The following CADPS variants were observed in gnomAD, a reference collection of about 807,000 sequenced individuals.
CADPS encodes the protein calcium-dependent secretion activator 1.
Under a neutral mutation model 167.3 loss-of-function variants are expected in CADPS, and 57 were observed. The ratio of observed to expected loss-of-function variants is 0.34; its 90% confidence interval spans 0.28 to 0.42. CADPS has a LOEUF of 0.42. CADPS is among the 20% of genes least tolerant of loss of function. The pLI is 1.00. For missense variants in CADPS, 1,414 were observed against 1,738.1 expected (o/e 0.81, Z 3.32); for synonymous variants, 676 against 635.3 (o/e 1.06, Z -0.96).
At chr3:62,599,876 ATAAT>A (rs1190788878) in intron 6 of CADPS, among the ~76,000 whole-genome samples, 15 of 71,508 alleles carry the variant, frequency 2.1e-4, no homozygotes, top group African/African-American at 1.0e-3. Context: ...ATAATAATAT[ATAAT>A]ATATATATAT....
chr3:62,599,744 TA>T (rs2059532485), intron 6 of CADPS, among the ~76,000 whole-genome samples: 2 of 28,408 alleles, frequency 7.0e-5, no homozygotes, highest in African/African-American at 2.0e-4. Flanking sequence ...ATAATATATA[TA>T]ATCTATTATA....
chr3:62,572,381 T>A (rs2081450294), intron 8 of CADPS, among the ~76,000 whole-genome samples: 1 of 152,130 alleles, frequency 6.6e-6, no homozygotes, highest in Non-Finnish European at 1.5e-5. Context: ...CATTTTTTGC[T>A]TCCATGGACA....
At chr3:62,542,813 T>C (rs1171133680) in intron 11 of CADPS, among the ~76,000 whole-genome samples, 3 of 152,174 alleles carry the variant, frequency 2.0e-5, no homozygotes, top group Admixed American at 6.5e-5. Context: ...TGTCAGACAA[T>C]TGCTTTGAGT....
chr3:62,425,992 G>C (rs1435926866), intron 28 of CADPS, among the ~76,000 whole-genome samples: 1 of 152,156 alleles, frequency 6.6e-6, no homozygotes, highest in Non-Finnish European at 1.5e-5. Flanking sequence ...TTCCTTTAGC[G>C]ATACTGTGGC....
intron 1 of CADPS, among the ~76,000 whole-genome samples, chr3:62,798,104 G>T (rs962818): frequency 6.6e-6 from 1 of 152,028 alleles, no homozygotes; most frequent in African/African-American, 2.4e-5. Flanking sequence ...TCCAGACTGA[G>T]ATAAACGCAA....
intron 3 of CADPS, among the ~76,000 whole-genome samples, chr3:62,741,105 C>G (rs2080138106): frequency 6.6e-6 from 1 of 152,118 alleles, no homozygotes. Context: ...TAGAAAGGAA[C>G]TTTCTTAAGA....
intron 1 of CADPS, among the ~76,000 whole-genome samples, chr3:62,850,160 TTC>T (rs1202562120): frequency 2.2e-5 from 3 of 135,760 alleles, no homozygotes; most frequent in Non-Finnish European, 4.9e-5. Context: ...TATTTGATTC[TTC>T]TCTCTTTTTT....
chr3:62,649,801 C>A (rs1342273299), intron 5 of CADPS, among the ~76,000 whole-genome samples: 1 of 151,946 alleles, frequency 6.6e-6, no homozygotes, highest in Non-Finnish European at 1.5e-5. Flanking sequence ...ATCCTCCCAC[C>A]TCAGCCTCTC....
intron 7 of CADPS, 145 bp downstream of exon 7, chr3:62,592,492 C>A (rs2086276756): frequency 3.2e-6 from 2 of 616,966 alleles, no homozygotes; most frequent in Non-Finnish European, 5.8e-6. Context: ...GGTCACCCAG[C>A]CAATGTAGAG....
At chr3:62,858,227 C>G (rs751156942) in intron 1 of CADPS, among the ~76,000 whole-genome samples, 1 of 152,176 alleles carries the variant, frequency 6.6e-6, no homozygotes, top group Non-Finnish European at 1.5e-5. Context: ...TCATCAGGAA[C>G]TCAAATTATT....
intron 6 of CADPS, among the ~76,000 whole-genome samples, chr3:62,624,114 A>G (rs1305900756): frequency 6.6e-6 from 1 of 152,126 alleles, no homozygotes; most frequent in Non-Finnish European, 1.5e-5. Context: ...TGCCCCCTGG[A>G]ACCAAGAATT....
intron 3 of CADPS, among the ~76,000 whole-genome samples, chr3:62,735,515 G>C (rs1417527594): frequency 1.3e-5 from 2 of 152,056 alleles, no homozygotes; most frequent in African/African-American, 2.4e-5. Flanking sequence ...ATAATAATAA[G>C]GAATCCAGAA....
chr3:62,504,934 T>C (rs1437303404), intron 17 of CADPS, among the ~76,000 whole-genome samples: 1 of 152,138 alleles, frequency 6.6e-6, no homozygotes, highest in Non-Finnish European at 1.5e-5. Context: ...CCCTGAAATA[T>C]CATATGAGAG....
chr3:62,814,142 T>C lies in CADPS; in HGVS notation c.442-48158A>G, dbSNP rs558373975. On this transcript the variant is annotated intron_variant, in intron 1 of 29. Coordinates refer to ENST00000383710, the MANE Select transcript of CADPS (RefSeq NM_003716.4). Reference sequence around the variant, plus strand: ...AGATGCTGAAAGTAAGCACTTGTAATATATCACCTGAGAAACTCATTTCCC... The same window carrying C: ...AGATGCTGAAAGTAAGCACTTGTAACATATCACCTGAGAAACTCATTTCCC... Among the ~76,000 whole-genome samples the C allele has an allele frequency of 2.6e-5, 4 of 152,262 alleles. No homozygotes were observed. The East Asian group carries it at 5.8e-4, about 22-fold the overall frequency.
intron 3 of CADPS, among the ~76,000 whole-genome samples, chr3:62,669,671 C>T (rs1436158255): frequency 1.3e-5 from 2 of 152,168 alleles, no homozygotes; most frequent in Middle Eastern, 3.2e-3. Flanking sequence ...GTGATTGGAC[C>T]TCTCTGAGCC....
intron 1 of CADPS, among the ~76,000 whole-genome samples, chr3:62,838,108 T>C (rs76624787): frequency 0.014 from 2,123 of 152,312 alleles, 38 homozygotes; most frequent in African/African-American, 0.048. Flanking sequence ...CTGAGATCTC[T>C]ACATGTGTCC....
At chr3:62,574,876 T>C (rs1276340653) in intron 8 of CADPS, among the ~76,000 whole-genome samples, 1 of 152,174 alleles carries the variant, frequency 6.6e-6, no homozygotes, top group Non-Finnish European at 1.5e-5. Context: ...TATTACAAAA[T>C]CTCTGTACGG....
chr3:62,561,595 T>C (rs1374680181), intron 9 of CADPS, among the ~76,000 whole-genome samples: 1 of 152,012 alleles, frequency 6.6e-6, no homozygotes, highest in Non-Finnish European at 1.5e-5. Context: ...CATGTTAAAA[T>C]CTGAGAACCA....
In CADPS at chr3:62,557,467, G is replaced by T; in HGVS notation, c.1691C>A (p.Ala564Glu). The T allele has an allele frequency of 6.2e-7, 1 of 1,614,008 alleles. No individual in the cohort carries two copies. Among genetic ancestry groups the T allele is most frequent in the Non-Finnish European group, 8.5e-7 (1 of 1,179,928 alleles). ...FAMCSYREKK[A>E]EPQELLQLDG... is the part of the protein sequence containing the mutation. Reference sequence around the variant, plus strand: ...CAATTGTAGAAGTTCCTGAGGCTCCGCTTTCTTCTCCCGATAACTGCACAT... The same window carrying T: ...CAATTGTAGAAGTTCCTGAGGCTCCTCTTTCTTCTCCCGATAACTGCACAT... The change falls in exon 10 of 30, where the codon GCG becomes GAG. Residue 564 changes from alanine to glutamate, a missense_variant. Ala to Glu is a moderately radical substitution (Grantham distance 107). Transcript: ENST00000383710.
Sources: allele counts gnomAD v4.1 joint callset (sites outside exome capture counted in the v4.1 genomes callset), GRCh38; gene constraint gnomAD v4.1.1; transcripts MANE v1.5; gene names NCBI Gene and HGNC (gene_info 2026-07-23, HGNC 2026-07-21).